The following PEX1 variants were observed in gnomAD, a reference collection of about 807,000 sequenced individuals.
PEX1 encodes peroxisomal biogenesis factor 1, also known as peroxisomal ATPase PEX1.
A neutral mutation model predicts 152.5 loss-of-function variants in PEX1; 97 were observed. That is an observed-to-expected ratio of 0.64 (90% CI 0.54 to 0.75). The LOEUF is 0.75. PEX1 is among the 30% of genes least tolerant of loss of function. The pLI is 0.00. For synonymous variants in PEX1, 485 were observed against 531.6 expected (o/e 0.91, Z 1.21); for missense variants, 1,357 against 1,516.3 (o/e 0.89, Z 1.74).
intron 8 of PEX1, among the ~76,000 whole-genome samples, chr7:92,510,325 G>GC (rs993459463): frequency 7.3e-5 from 11 of 151,684 alleles, no homozygotes; most frequent in Admixed American, 6.6e-4. Flanking sequence ...AATTAGCCAG[G>GC]CATCATGGCA....
intron 5 of PEX1, among the ~76,000 whole-genome samples, chr7:92,515,809 C>A (rs533869332): frequency 6.6e-6 from 1 of 151,872 alleles, no homozygotes; most frequent in African/African-American, 2.4e-5. Flanking sequence ...GCCTGGCCAA[C>A]ATGGTGAAAC....
intron 7 of PEX1, among the ~76,000 whole-genome samples, chr7:92,511,348 C>A (rs1273863989): frequency 1.3e-5 from 2 of 152,216 alleles, no homozygotes; most frequent in African/African-American, 4.8e-5. Context: ...TGCTCTCGAA[C>A]TCCTGGCCTC....
Position 92,489,708 on chromosome 7 carries a change from C to G in PEX1, c.3636+6G>C, listed in dbSNP as rs1030880599. 5 of 1,610,490 alleles carry G rather than the reference C, an allele frequency of 3.1e-6. No homozygotes were observed. The highest frequency in any genetic ancestry group is 4.2e-6 in the Non-Finnish European group (5 of 1,176,734). ...AACAATTATAATGAGGGGGAAAAAG[C>G]CATACTCCACTTTGGCTCCGGTATC... On this transcript the variant is annotated splice_donor_region_variant and intron_variant, in intron 22 of 23. Coordinates refer to ENST00000248633, the MANE Select transcript of PEX1 (RefSeq NM_000466.3).
chr7:92,496,702 A>T lies in PEX1; in HGVS notation c.2783+11T>A, dbSNP rs762637904. The T allele has an allele frequency of 8.9e-6, 14 of 1,572,038 alleles. No homozygotes were observed. Among genetic ancestry groups the T allele is most frequent in the Non-Finnish European group, 1.2e-5 (14 of 1,141,900 alleles). ...AGTCAGTTACTTTAAAAACATTCAT[A>T]GGCTACCAACCTAATAAAAATATCC... On this transcript the variant is annotated intron_variant, in intron 17 of 23. Coordinates refer to ENST00000248633, the MANE Select transcript of PEX1 (RefSeq NM_000466.3).
chr7:92,516,055 A>AAAGAAAAGAAAAGAAAAGAAAAG (rs1554374887), intron 5 of PEX1, among the ~76,000 whole-genome samples: 4 of 85,788 alleles, frequency 4.7e-5, no homozygotes, highest in Non-Finnish European at 4.7e-5. Context: ...AGAGAAGAGA[A>AAAGAAAAGAAAAGAAAAGAAAAG]AAAAGAAAAG....
rs1314802855 is a variant in PEX1, at chr7:92,519,089, T to C, written c.274-11A>G. 6.8e-7 allele frequency: 1 copy of C among 1,477,138 alleles called. No homozygotes were observed. The highest frequency in any genetic ancestry group is 2.3e-5 in the East Asian group (1 of 44,180). The allele number at this position is 1,477,138 out of a possible 1,614,324, so 91.5% of individuals were successfully genotyped here. On this transcript the variant is annotated splice_polypyrimidine_tract_variant and intron_variant, in intron 2 of 23. Coordinates refer to ENST00000248633, the MANE Select transcript of PEX1 (RefSeq NM_000466.3). The stretch of plus-strand genomic sequence containing the variant: ...TGGCTTGAGAAATACCTAGAAAAAA[T>C]TAAAAATTTAAAACTACTTTAAAAA...
At chr7:92,497,858 A>C (rs898348576) in intron 16 of PEX1, among the ~76,000 whole-genome samples, 1 of 152,038 alleles carries the variant, frequency 6.6e-6, no homozygotes, top group Non-Finnish European at 1.5e-5. Context: ...TCATGAGGTC[A>C]GGAGGTCGAG....
intron 2 of PEX1, among the ~76,000 whole-genome samples, chr7:92,520,941 T>C (rs188290691): frequency 1.3e-3 from 200 of 151,566 alleles, no homozygotes; most frequent in African/African-American, 4.2e-3. Context: ...TTACTTTCAA[T>C]GGTAAAATAG....
chr7:92,499,712 T>C lies in PEX1; in HGVS notation c.2710A>G (p.Ser904Gly). The part of the protein sequence containing the change: ...IARESRMNFI[S>G]VKGPELLSKY... ...ATAAGTAGACAACATACCTTGACAC[T>C]TATAAAATTCATTCTACTCTCTCGT... The change falls in exon 16 of 24, where the codon AGT becomes GGT. Residue 904 changes from serine (S) to glycine (G), a missense_variant. Physicochemically the swap from Ser to Gly is moderately conservative, Grantham distance 56. Coordinates refer to ENST00000248633, the MANE Select transcript of PEX1 (RefSeq NM_000466.3). 2 of 1,612,558 alleles carry C rather than the reference T, an allele frequency of 1.2e-6. No homozygotes were observed. Among genetic ancestry groups the C allele is most frequent in the Non-Finnish European group, 1.7e-6 (2 of 1,178,662 alleles).
intron 1 of PEX1, among the ~76,000 whole-genome samples, chr7:92,526,339 G>A (rs1413896363): frequency 1.3e-5 from 2 of 152,210 alleles, no homozygotes; most frequent in African/African-American, 2.4e-5. Context: ...TTCAAGGTAA[G>A]TCTGACATAG....
At chr7:92,509,131 A>G (rs907990079) in intron 9 of PEX1, among the ~76,000 whole-genome samples, 198 bp downstream of exon 9, 6 of 150,824 alleles carry the variant, frequency 4.0e-5, no homozygotes, top group Non-Finnish European at 8.9e-5. Flanking sequence ...CATAAAAATA[A>G]AGAGAAAAAA....
chr7:92,518,576 C>CT (rs568122920), intron 3 of PEX1, among the ~76,000 whole-genome samples: 409 of 152,146 alleles, frequency 2.7e-3, no homozygotes, highest in African/African-American at 9.6e-3. Context: ...TCAATTCATT[C>CT]TTTTTTTATT....
rs201727361 is a variant in PEX1, at chr7:92,503,133, T to C, written c.2134A>G (p.Ser712Gly). Residue 712 changes from serine to glycine, a missense_variant, in exon 13 of 24, where the codon AGT becomes GGT. Coordinates refer to ENST00000248633, the MANE Select transcript of PEX1 (RefSeq NM_000466.3). ...MGSLVALIATSQSQQSLHPLL... is the reference protein window; with the variant it reads ...MGSLVALIATGQSQQSLHPLL... Reference sequence around the variant, plus strand: ...GGATGTAGAGATTGCTGAGACTGACTTGTGGCAATCAGTGCAACCAAACTT... The same window carrying C: ...GGATGTAGAGATTGCTGAGACTGACCTGTGGCAATCAGTGCAACCAAACTT... 6.2e-6 allele frequency: 10 copies of C among 1,613,822 alleles called. No individual in the cohort carries two copies. In the East Asian group the frequency reaches 2.0e-4, roughly 32 times the overall value.
chr7:92,490,894 GT>G lies in PEX1; in HGVS notation c.3438+377del, dbSNP rs1158561086. Among the ~76,000 whole-genome samples, 5 of 152,214 alleles carry G rather than the reference GT, an allele frequency of 3.3e-5. No individual in the cohort carries two copies. The East Asian group carries it at 9.6e-4, about 29-fold the overall frequency. ...GCAAAAGTATCACAGATAACACTTT[GT>G]TTTCAGGAATTTCTTACATTATTGT... On this transcript the variant is annotated intron_variant, in intron 21 of 23. Coordinates refer to ENST00000248633, the MANE Select transcript of PEX1 (RefSeq NM_000466.3).
At chr7:92,527,945 G>C (rs1793367725) in intron 1 of PEX1, among the ~76,000 whole-genome samples, 1 of 152,274 alleles carries the variant, frequency 6.6e-6, no homozygotes, top group African/African-American at 2.4e-5. Flanking sequence ...GACGGCAGCA[G>C]CGCAGGTTAA....
Position 92,494,632 on chromosome 7 carries a change from G to A in PEX1, c.2784-3C>T. On this transcript the variant is annotated splice_polypyrimidine_tract_variant and splice_region_variant and intron_variant, in intron 17 of 23. Transcript: ENST00000248633. ...TGCAGGGCTTTGCAGCCTGTGCTCTGGGAAAAACAAACAACATTTCATATT... is the reference window on the plus strand; with the variant it reads ...TGCAGGGCTTTGCAGCCTGTGCTCTAGGAAAAACAAACAACATTTCATATT... The A allele has an allele frequency of 6.2e-7, 1 of 1,613,586 alleles. No homozygotes were observed.
At chr7:92,492,207 C>T (rs1026166914) in intron 20 of PEX1, among the ~76,000 whole-genome samples, 1 of 152,098 alleles carries the variant, frequency 6.6e-6, no homozygotes, top group Non-Finnish European at 1.5e-5. Flanking sequence ...AGTGCAGTGG[C>T]ACAAGCATGG....
rs765202366 is a variant in PEX1, at chr7:92,494,408, AAG to A, written c.2927-14_2927-13del. 1.2e-4 allele frequency: 188 copies of A among 1,613,674 alleles called. 1 individual carries two copies. In the East Asian group the frequency reaches 4.1e-3, roughly 35 times the overall value. ...CAATACATAAACACCTAGAGGAAAA[AAG>A]AACATTTTTTTACCAAAATCTGATG... On this transcript the variant is annotated splice_polypyrimidine_tract_variant and intron_variant, in intron 18 of 23. Coordinates refer to ENST00000248633, the MANE Select transcript of PEX1 (RefSeq NM_000466.3).
At chr7:92,526,414 C>T (rs751823966) in intron 1 of PEX1, among the ~76,000 whole-genome samples, 7 of 152,196 alleles carry the variant, frequency 4.6e-5, no homozygotes, top group Non-Finnish European at 1.0e-4. Flanking sequence ...GCACTCAATG[C>T]TTCACCCCAA....
Sources: allele counts gnomAD v4.1 joint callset (sites outside exome capture counted in the v4.1 genomes callset), GRCh38; gene constraint gnomAD v4.1.1; transcripts MANE v1.5; gene names NCBI Gene and HGNC (gene_info 2026-07-23, HGNC 2026-07-21).